The following USH2A variants were observed in gnomAD, a reference collection of about 807,000 sequenced individuals.
The protein encoded by USH2A is usherin.
In USH2A, 443 loss-of-function variants were observed where a neutral mutation model predicts 538.9. The observed-to-expected ratio is 0.82, with a 90% confidence interval of 0.76 to 0.89. The LOEUF (loss-of-function observed/expected upper bound fraction) is 0.89. Ranked by LOEUF, USH2A falls within the 40% of genes least tolerant of loss-of-function variation. USH2A has a pLI of 0.00. For synonymous variants in USH2A, 2,413 were observed against 2,273.5 expected (o/e 1.06, Z -1.75); for missense variants, 6,633 against 6,324.8 (o/e 1.05, Z -1.65).
At chr1:215,930,083 TATA>T (rs1005584622) in intron 38 of USH2A, among the ~76,000 whole-genome samples, 2 of 152,072 alleles carry the variant, frequency 1.3e-5, no homozygotes, top group Non-Finnish European at 2.9e-5. Flanking sequence ...GTTTGTAGAT[TATA>T]ATAATTCTCA....
intron 41 of USH2A, among the ~76,000 whole-genome samples, chr1:215,885,106 T>G (rs780489538): frequency 2.0e-5 from 3 of 152,190 alleles, no homozygotes; most frequent in Non-Finnish European, 4.4e-5. Context: ...AAGGCTTCAG[T>G]ACAGCAGTTT....
Position 216,097,202 on chromosome 1 carries a change from T to C in USH2A, c.4639A>G (p.Ser1547Gly). ...VNTDFTGIKA[S>G]FRTKVPEGLI... ...CCTTCAGGCACTTTTGTTCGAAAGC[T>C]GGCCTTAATGCCTGGTAAGACAAGT... The change falls in exon 22 of 72, where the codon AGC becomes GGC. Residue 1547 changes from serine (S) to glycine (G), a missense_variant. Physicochemically the swap from Ser to Gly is moderately conservative, Grantham distance 56 (BLOSUM62 0). Coordinates refer to ENST00000307340, the MANE Select transcript of USH2A (RefSeq NM_206933.4). The C allele has an allele frequency of 6.2e-7, 1 of 1,614,178 alleles. No individual in the cohort carries two copies. Among genetic ancestry groups the C allele is most frequent in the South Asian group, 1.1e-5 (1 of 91,090 alleles).
At chr1:216,375,408 T>C (rs1486827523) in intron 3 of USH2A, among the ~76,000 whole-genome samples, 1 of 152,194 alleles carries the variant, frequency 6.6e-6, no homozygotes, top group African/African-American at 2.4e-5. Context: ...AACCTTGCAC[T>C]TTTATGTTAT....
At chr1:216,370,677 C>CAAAA (rs58845914) in intron 3 of USH2A, among the ~76,000 whole-genome samples, 306 of 29,978 alleles carry the variant, frequency 0.01, 45 homozygotes, top group African/African-American at 0.03. Flanking sequence ...GACTCTGTCT[C>CAAAA]AAAAAAAAAA....
At chr1:215,640,844 CAA>C (rs56212994) in intron 67 of USH2A, 110 bp from the exon 68 acceptor site, 92,029 of 486,662 alleles carry the variant, frequency 0.19, 14 homozygotes, top group East Asian at 0.22. Flanking sequence ...CCAATCCAAA[CAA>C]AAAAAAAAAA....
chr1:216,399,447 C>T (rs1169024305), intron 3 of USH2A, among the ~76,000 whole-genome samples: 1 of 152,098 alleles, frequency 6.6e-6, no homozygotes, highest in Non-Finnish European at 1.5e-5. Context: ...TAGGGCCAAT[C>T]AATACTCTAC....
At chr1:215,682,846 ATTAT>A (rs897654627) in intron 61 of USH2A, among the ~76,000 whole-genome samples, 4 of 151,284 alleles carry the variant, frequency 2.6e-5, no homozygotes, top group African/African-American at 7.3e-5. Flanking sequence ...CTCATATTAC[ATTAT>A]TTATTTATTT....
At chr1:216,073,019 T>G in intron 28 of USH2A, 50 bp from the exon 29 acceptor site, 2 of 1,610,694 alleles carry the variant, frequency 1.2e-6, no homozygotes, top group South Asian at 1.1e-5. Flanking sequence ...TCATATAGAT[T>G]AATGAGGGGC....
chr1:215,829,631 C>T (rs1384525165), intron 47 of USH2A, among the ~76,000 whole-genome samples: 1 of 152,154 alleles, frequency 6.6e-6, no homozygotes, highest in Non-Finnish European at 1.5e-5. Flanking sequence ...AACAAGTATA[C>T]ATTGCCAGAA....
At chr1:216,358,866 T>G (rs2038438357) in intron 4 of USH2A, among the ~76,000 whole-genome samples, 1 of 152,148 alleles carries the variant, frequency 6.6e-6, no homozygotes, top group South Asian at 2.1e-4. Flanking sequence ...ACTGTTCTTT[T>G]GAAGCATTAA....
At chr1:215,680,511 A>T (rs975577384) in intron 61 of USH2A, 135 bp from the exon 62 acceptor site, 5 of 795,592 alleles carry the variant, frequency 6.3e-6, no homozygotes, top group Non-Finnish European at 1.1e-5. Context: ...AGAGTTTTGA[A>T]TTATCATTAA....
intron 9 of USH2A, among the ~76,000 whole-genome samples, chr1:216,312,737 C>T (rs923979683): frequency 6.6e-6 from 1 of 152,140 alleles, no homozygotes; most frequent in African/African-American, 2.4e-5. Flanking sequence ...ATCAGAGCCG[C>T]TTTAAGTTTC....
chr1:216,289,229 G>A (rs1343419082), intron 11 of USH2A, 51 bp downstream of exon 11: 1 of 1,612,340 alleles, frequency 6.2e-7, no homozygotes, highest in Non-Finnish European at 8.5e-7. Context: ...ATCCAAATAA[G>A]TTTCTGGCAG....
rs77394077 is a variant in USH2A, at chr1:215,913,491, A to C, written c.7301-12586T>G. Among the ~76,000 whole-genome samples the C allele has an allele frequency of 1.5e-3, 226 of 152,216 alleles. 2 individuals are homozygous for C. The East Asian group carries it at 0.038, about 26-fold the overall frequency. ...CTATGGTGATCTCACTGTTTGAGGA[A>C]TTAAAAGCAAGGCAGCAAGGGTGGG... is the stretch of plus-strand genomic sequence containing the variant. On this transcript the variant is annotated intron_variant, in intron 38 of 71. Transcript: ENST00000307340.
chr1:216,390,438 C>T (rs201027449), intron 3 of USH2A, among the ~76,000 whole-genome samples: 8 of 152,254 alleles, frequency 5.3e-5, no homozygotes, highest in East Asian at 1.9e-4. Context: ...ACCATAATTG[C>T]ACCTCTTCTT....
chr1:215,845,193 C>A (rs1315796589), intron 45 of USH2A, among the ~76,000 whole-genome samples: 7 of 152,058 alleles, frequency 4.6e-5, no homozygotes, highest in African/African-American at 1.7e-4. Flanking sequence ...AGGTGCCGAC[C>A]TTTGGCACCA....
At chr1:216,095,915 C>A (rs2032431264) in intron 22 of USH2A, among the ~76,000 whole-genome samples, 2 of 152,106 alleles carry the variant, frequency 1.3e-5, no homozygotes, top group South Asian at 4.2e-4. Flanking sequence ...TCTGCTTTAC[C>A]AATAAAATGT....
intron 14 of USH2A, among the ~76,000 whole-genome samples, chr1:216,223,041 G>A (rs1304189934): frequency 7.0e-6 from 1 of 142,402 alleles, no homozygotes. Context: ...TCAAGGAAAT[G>A]TTTTTTTTTT....
At chr1:215,722,272 C>T (rs139222167) in intron 61 of USH2A, among the ~76,000 whole-genome samples, 166 of 152,236 alleles carry the variant, frequency 1.1e-3, no homozygotes, top group African/African-American at 3.8e-3. Flanking sequence ...GAAAGATAGT[C>T]ACCAAAGGAG....
Sources: gnomAD v4.1 joint callset for allele counts (sites outside exome capture counted in the v4.1 genomes callset) on GRCh38, gnomAD v4.1.1 for gene constraint, MANE v1.5 for transcripts, NCBI Gene and HGNC (gene_info 2026-07-23, HGNC 2026-07-21) for gene names.